Variants in TRAPPC9 observed in about 807,000 individuals in gnomAD.
TRAPPC9 encodes IKK2 binding protein.
TRAPPC9 carries 83 observed loss-of-function variants against 124.0 expected under a neutral mutation model. The ratio of observed to expected loss-of-function variants is 0.67; its 90% CI spans 0.56 to 0.80. TRAPPC9 has a LOEUF of 0.80. Among genes scored for constraint, TRAPPC9 ranks in the 30% least tolerant of loss-of-function variants. TRAPPC9 has a pLI of 0.00. For missense variants in TRAPPC9, 1,302 were observed against 1,508.3 expected (o/e 0.86, Z 2.27); for synonymous variants, 638 against 617.5 (o/e 1.03, Z -0.49).
intron 9 of TRAPPC9, among the ~76,000 whole-genome samples, chr8:140,347,194 A>G (rs2067375021): frequency 6.6e-6 from 1 of 152,182 alleles, no homozygotes; most frequent in African/African-American, 2.4e-5. Flanking sequence ...GCTCCAGGCC[A>G]TCCCCATGGG....
At chr8:140,394,439 C>T (rs892774070) in intron 7 of TRAPPC9, among the ~76,000 whole-genome samples, 9 of 152,228 alleles carry the variant, frequency 5.9e-5, no homozygotes, top group Non-Finnish European at 1.3e-4. Flanking sequence ...CCAGTGACCA[C>T]ATGAACTTGT....
chr8:140,423,753 C>CACACATATATATACAT (rs2070324629), intron 5 of TRAPPC9, among the ~76,000 whole-genome samples: 1 of 150,132 alleles, frequency 6.7e-6, no homozygotes, highest in African/African-American at 2.4e-5. Flanking sequence ...CATATATATA[C>CACACATATATATACAT]ATATATATAT....
intron 18 of TRAPPC9, among the ~76,000 whole-genome samples, chr8:140,015,662 G>T (rs572147275): frequency 2.6e-5 from 4 of 151,272 alleles, no homozygotes; most frequent in Middle Eastern, 3.4e-3. Context: ...AAAAAAATAA[G>T]CCAGGCACGG....
chr8:140,457,917 G>GGGAGGA (rs1165230406), upstream of TRAPPC9, among the ~76,000 whole-genome samples: 2 of 146,150 alleles, frequency 1.4e-5, no homozygotes, highest in South Asian at 4.3e-4. Context: ...GACATGGGGA[G>GGGAGGA]GGAGGAGGAG....
intron 4 of TRAPPC9, among the ~76,000 whole-genome samples, chr8:140,431,041 T>C (rs2070622528): frequency 6.6e-6 from 1 of 152,220 alleles, no homozygotes; most frequent in Admixed American, 6.5e-5. Context: ...GGTGTTTTTA[T>C]TGGGCCCCTT....
intron 21 of TRAPPC9, among the ~76,000 whole-genome samples, chr8:139,875,092 T>C (rs573591699): frequency 6.6e-6 from 1 of 152,222 alleles, no homozygotes; most frequent in South Asian, 2.1e-4. Flanking sequence ...GGCTCCCAAA[T>C]GGTATTTCAA....
chr8:140,229,465 C>T (rs910922685), intron 16 of TRAPPC9, among the ~76,000 whole-genome samples: 1 of 151,730 alleles, frequency 6.6e-6, no homozygotes, highest in Non-Finnish European at 1.5e-5. Flanking sequence ...GGGGTTTCTC[C>T]ATCTTGGCCA....
chr8:140,155,115 TG>T (rs2061606530), intron 17 of TRAPPC9, among the ~76,000 whole-genome samples: 1 of 152,054 alleles, frequency 6.6e-6, no homozygotes, highest in South Asian at 2.1e-4. Flanking sequence ...AAGGGATGGG[TG>T]GATTCTGGGG....
chr8:140,049,872 A>G (rs969546121), intron 17 of TRAPPC9, among the ~76,000 whole-genome samples: 2 of 152,164 alleles, frequency 1.3e-5, no homozygotes, highest in Admixed American at 1.3e-4. Context: ...AAACTTGTCC[A>G]AGATCAAGTG....
chr8:140,284,884 T>A (rs1199013354), intron 13 of TRAPPC9, among the ~76,000 whole-genome samples: 1 of 152,204 alleles, frequency 6.6e-6, no homozygotes, highest in Non-Finnish European at 1.5e-5. Context: ...CTCTAAAGTA[T>A]ACCTCTTCAA....
chr8:140,423,492 T>C (rs2070296177), intron 5 of TRAPPC9, among the ~76,000 whole-genome samples: 1 of 151,764 alleles, frequency 6.6e-6, no homozygotes, highest in Admixed American at 6.6e-5. Flanking sequence ...CACAAATGCT[T>C]ATAACATCAT....
At chr8:140,017,094 ATT>A (rs1839520067) in intron 18 of TRAPPC9, among the ~76,000 whole-genome samples, 1 of 152,164 alleles carries the variant, frequency 6.6e-6, no homozygotes, top group Non-Finnish European at 1.5e-5. Context: ...ATCTGTTCAA[ATT>A]TTCTATTTAT....
intron 8 of TRAPPC9, among the ~76,000 whole-genome samples, chr8:140,366,001 T>G (rs1185665532): frequency 6.6e-6 from 1 of 152,222 alleles, no homozygotes; most frequent in Non-Finnish European, 1.5e-5. Context: ...TAGCTCCCAC[T>G]TATAAGTGAG....
At chr8:139,999,417 T>C (rs541323921) in intron 18 of TRAPPC9, among the ~76,000 whole-genome samples, 46 of 152,138 alleles carry the variant, frequency 3.0e-4, no homozygotes, top group South Asian at 1.7e-3. Flanking sequence ...AACCTAACTA[T>C]AGAGTTTCAA....
intron 19 of TRAPPC9, among the ~76,000 whole-genome samples, chr8:139,949,587 A>G (rs1254063160): frequency 1.3e-5 from 2 of 152,278 alleles, no homozygotes; most frequent in Non-Finnish European, 2.9e-5. Flanking sequence ...GTATTGATAC[A>G]TACTTCAACA....
At chr8:139,977,617 C>CA (rs368480588) in intron 19 of TRAPPC9, among the ~76,000 whole-genome samples, 54,223 of 111,640 alleles carry the variant, frequency 0.49, 14,259 homozygotes, top group Middle Eastern at 0.6. Context: ...GACTCTGTCT[C>CA]AAAAAAAAAA....
intron 17 of TRAPPC9, among the ~76,000 whole-genome samples, chr8:140,209,430 G>GC (rs1228934630): frequency 6.6e-6 from 1 of 152,194 alleles, no homozygotes; most frequent in Non-Finnish European, 1.5e-5. Flanking sequence ...CAAGGAACAG[G>GC]CCGTCCCCCT....
At chr8:140,201,566 C>G (rs1035350405) in intron 17 of TRAPPC9, among the ~76,000 whole-genome samples, 13 of 152,182 alleles carry the variant, frequency 8.5e-5, no homozygotes, top group African/African-American at 2.9e-4. Flanking sequence ...TATACTGTTA[C>G]AAAATATCTT....
rs367784098 is a variant in TRAPPC9 at position 139,745,888 on chromosome 8, G to A, written c.3056-13686C>T. 2.6e-5 allele frequency among the ~76,000 whole-genome samples: 4 copies of A among 152,362 alleles called. No individual in the cohort carries two copies. The South Asian group carries it at 8.3e-4, about 32-fold the overall frequency. ...TCGGTGGGCAGCAGCCCGCCTCCACGTGCCCATGGCGAGCACGCTGGCACT... is the reference window on the plus strand; with the variant it reads ...TCGGTGGGCAGCAGCCCGCCTCCACATGCCCATGGCGAGCACGCTGGCACT... On this transcript the variant is annotated intron_variant, in intron 21 of 22. Coordinates refer to ENST00000438773, the MANE Select transcript of TRAPPC9 (RefSeq NM_001160372.4).
Sources: allele counts gnomAD v4.1 joint callset (sites outside exome capture counted in the v4.1 genomes callset), GRCh38; gene constraint gnomAD v4.1.1; transcripts MANE v1.5; gene names NCBI Gene and HGNC (gene_info 2026-07-23, HGNC 2026-07-21).